The following ZNF561 variants were observed in gnomAD, a reference collection of about 807,000 sequenced individuals.
The protein encoded by ZNF561 is zinc finger protein 561.
Under a neutral mutation model 16.7 loss-of-function variants are expected in ZNF561, and 16 were observed. The observed-to-expected ratio is 0.96, with a 90% CI of 0.65 to 1.45. ZNF561 has a LOEUF of 1.45. ZNF561 is among the 40% of genes most tolerant of loss of function. ZNF561 has a pLI of 0.00. For synonymous variants in ZNF561, 190 were observed against 192.1 expected (o/e 0.99, Z 0.09); for missense variants, 580 against 578.0 (o/e 1.00, Z -0.04).
At chr19:9,618,800 A>T (rs1315132783) in intron 2 of ZNF561, among the ~76,000 whole-genome samples, 1 of 151,608 alleles carries the variant, frequency 6.6e-6, no homozygotes, top group Non-Finnish European at 1.5e-5. Flanking sequence ...TTCCTAAGGT[A>T]CACAAACCAG....
Position 9,610,524 on chromosome 19 carries a change from A to G in ZNF561, c.1137T>C (p.Ser379=). The G allele has an allele frequency of 6.2e-7, 1 of 1,613,980 alleles. No homozygotes were observed. The highest frequency in any genetic ancestry group is 2.2e-5 in the East Asian group (1 of 44,878). ...TGTGAATTCTTGTATGCTGAATAAG[A>G]CTTGTGGATGTAGTGAAGGCTTTCC... The part of the protein sequence containing the change: ...ECGKAFTTST[S]LIQHTRIHTG... Residue 379 remains serine, a synonymous_variant, in exon 6 of 6, where the codon AGT becomes AGC. Coordinates refer to ENST00000302851, the MANE Select transcript of ZNF561 (RefSeq NM_152289.3).
chr19:9,611,058 T>C lies in ZNF561; in HGVS notation c.603A>G (p.Glu201=), dbSNP rs770608164. Residue 201 remains glutamate (E), a synonymous_variant, in exon 6 of 6, where the codon GAA becomes GAG. Transcript: ENST00000302851. ...CAAAATACTTAAAGCCTTTTCCACATTCCTTACATTTGTAGGGTTGTCTTG... is the reference window on the plus strand; with the variant it reads ...CAAAATACTTAAAGCCTTTTCCACACTCCTTACATTTGTAGGGTTGTCTTG... ...LNARQPYKCK[E]CGKGFKYFAS... 3 of 1,614,178 alleles carry C rather than the reference T, an allele frequency of 1.9e-6. No homozygotes were observed. The highest frequency in any genetic ancestry group is 4.5e-5 in the East Asian group (2 of 44,874).
intron 3 of ZNF561, chr19:9,617,649 G>C (rs937525415): frequency 4.4e-6 from 2 of 456,946 alleles, no homozygotes; most frequent in South Asian, 1.5e-5. Flanking sequence ...TGGAATTACA[G>C]GCATGAGCCA....
chr19:9,611,107 G>C lies in ZNF561; in HGVS notation c.554C>G (p.Ala185Gly). 6.2e-7 allele frequency: 1 copy of C among 1,614,100 alleles called. No homozygotes were observed. Among genetic ancestry groups the C allele is most frequent in the South Asian group, 1.1e-5 (1 of 91,082 alleles). ...GKVFTLTPGL[A>G]VHLEVLNARQ... ...TGCATTGAGAACTTCAAGATGTACA[G>C]CAAGACCTGGAGTTAGAGTAAAGAC... Residue 185 changes from alanine (A) to glycine (G), a missense_variant, in exon 6 of 6, where the codon GCT (alanine) becomes GGT (glycine). Physicochemically the swap from Ala to Gly is moderately conservative, Grantham distance 60. Coordinates refer to ENST00000302851, the MANE Select transcript of ZNF561 (RefSeq NM_152289.3).
At position 9,610,768 on chromosome 19, in the gene ZNF561, T is replaced by A. The variant is rs1423790221; in HGVS notation, c.893A>T (p.Asp298Val). 5.0e-6 allele frequency: 8 copies of A among 1,614,082 alleles called. No homozygotes were observed. Among genetic ancestry groups the A allele is most frequent in the Non-Finnish European group, 6.8e-6 (8 of 1,180,038 alleles). The change falls in exon 6 of 6, where the codon GAT becomes GTT. Residue 298 changes from aspartate (D) to valine (V), a missense_variant. Transcript: ENST00000302851. ...RSFRNSSCLN[D>V]HIQIHTGIKP... ...TATTCCAGTGTGAATTTGAATGTGA[T>A]CATTAAGGCATGAGGAATTTCTAAA...
rs1862086995 is a variant in ZNF561 at position 9,611,159 on chromosome 19, G to C, written c.502C>G (p.Leu168Val). ...VHKEASTGQELSKFNPCGKVF... is the reference protein window; with the variant it reads ...VHKEASTGQEVSKFNPCGKVF... ...TTTCCACATGGATTAAATTTGGAAA[G>C]TTCCTGTCCAGTAGAGGCTTCCTTG... Residue 168 changes from leucine (L) to valine (V), a missense_variant, in exon 6 of 6, where the codon CTT becomes GTT. Coordinates refer to ENST00000302851, the MANE Select transcript of ZNF561 (RefSeq NM_152289.3). The C allele has an allele frequency of 6.2e-7, 1 of 1,613,890 alleles. No homozygotes were observed. Among genetic ancestry groups the C allele is most frequent in the African/African-American group, 1.3e-5 (1 of 74,934 alleles).
rs558801818 is a variant in ZNF561, at chr19:9,618,197, A to C, written c.26-18T>G. On this transcript the variant is annotated intron_variant, in intron 2 of 5. Coordinates refer to ENST00000302851, the MANE Select transcript of ZNF561 (RefSeq NM_152289.3). ...AAAAAACCCTAGTGGAAAAGTAAGA[A>C]GGCATGAGAAGCCAGAGCTGCCCAT... 2 of 1,546,104 alleles carry C rather than the reference A, an allele frequency of 1.3e-6. No individual in the cohort carries two copies. Among genetic ancestry groups the C allele is most frequent in the East Asian group, 4.9e-5 (2 of 40,826 alleles).
Position 9,611,218 on chromosome 19 carries a change from C to A in ZNF561, c.443G>T (p.Gly148Val), listed in dbSNP as rs2074450415. 9 of 1,613,930 alleles carry A rather than the reference C, an allele frequency of 5.6e-6. No individual in the cohort carries two copies. In the East Asian group the frequency reaches 1.3e-4, roughly 24 times the overall value. The change falls in exon 6 of 6, where the codon GGT (glycine) becomes GTT (valine). Residue 148 changes from glycine to valine, a missense_variant. Coordinates refer to ENST00000302851, the MANE Select transcript of ZNF561 (RefSeq NM_152289.3). ...RVQNGGNTSE[G>V]NCYGKDTLSV... ...GAGGGTGTCTTTTCCATAACAATTA[C>A]CCTCAGAAGTATTCCCTCCATTCTG... is the stretch of plus-strand genomic sequence containing the variant.
chr19:9,617,000 T>C (rs370407919), intron 4 of ZNF561, 45 bp downstream of exon 4: 1 of 1,574,220 alleles, frequency 6.4e-7, no homozygotes, highest in East Asian at 2.3e-5. Flanking sequence ...TATCTGGGAC[T>C]ACAGGTGCAG....
At position 9,617,838 on chromosome 19, in the gene ZNF561, G is replaced by A. The variant is rs920206520; in HGVS notation, c.114+253C>T. 5.5e-6 allele frequency: 3 copies of A among 541,870 alleles called. No individual in the cohort carries two copies. The African/African-American group carries it at 5.6e-5, about 10-fold the overall frequency. The allele number at this position is 541,870 out of a possible 1,614,324, so 33.6% of individuals were successfully genotyped here. On this transcript the variant is annotated intron_variant, in intron 3 of 5. Coordinates refer to ENST00000302851, the MANE Select transcript of ZNF561 (RefSeq NM_152289.3). ...ATCATCCGTCACCGCACCCAGCAATGTAAGAAAGATGCAGTTGGCACCATG... is the reference window on the plus strand; with the variant it reads ...ATCATCCGTCACCGCACCCAGCAATATAAGAAAGATGCAGTTGGCACCATG...
chr19:9,618,882 C>T (rs1267383882), intron 2 of ZNF561, among the ~76,000 whole-genome samples: 6 of 152,084 alleles, frequency 3.9e-5, no homozygotes, highest in Admixed American at 3.9e-4. Flanking sequence ...TTTGGGAGGC[C>T]AAGGCGGGCA....
intron 4 of ZNF561, among the ~76,000 whole-genome samples, chr19:9,616,090 T>C (rs1301054436): frequency 6.6e-6 from 1 of 152,176 alleles, no homozygotes; most frequent in Non-Finnish European, 1.5e-5. Flanking sequence ...GTATATTTCT[T>C]ACAGCACAAA....
chr19:9,618,191 G>T lies in ZNF561; in HGVS notation c.26-12C>A, dbSNP rs1390066607. 1 of 1,548,974 alleles carries T rather than the reference G, an allele frequency of 6.5e-7. No individual in the cohort carries two copies. Among genetic ancestry groups the T allele is most frequent in the East Asian group, 2.4e-5 (1 of 40,838 alleles). On this transcript the variant is annotated splice_polypyrimidine_tract_variant and intron_variant, in intron 2 of 5. Transcript: ENST00000302851. ...CCTGGAAAAAAACCCTAGTGGAAAA[G>T]TAAGAAGGCATGAGAAGCCAGAGCT...
chr19:9,613,115 T>G (rs1045773917), intron 5 of ZNF561, among the ~76,000 whole-genome samples: 1 of 151,762 alleles, frequency 6.6e-6, no homozygotes, highest in African/African-American at 2.4e-5. Flanking sequence ...TTCATGAAAC[T>G]GTGTAAATCC....
intron 2 of ZNF561, among the ~76,000 whole-genome samples, chr19:9,618,410 T>C (rs1356556583): frequency 6.6e-6 from 1 of 152,178 alleles, no homozygotes; most frequent in Non-Finnish European, 1.5e-5. Context: ...GTTTCATTTT[T>C]CAAGGAAACT....
intron 5 of ZNF561, among the ~76,000 whole-genome samples, chr19:9,612,419 C>T (rs1470869586): frequency 6.6e-6 from 1 of 152,048 alleles, no homozygotes; most frequent in Non-Finnish European, 1.5e-5. Flanking sequence ...GGGGTTTCCC[C>T]ATGTTCGCCA....
In ZNF561 at chr19:9,610,846, A is replaced by G. The variant is rs765689435; in HGVS notation, c.815T>C (p.Val272Ala). 394 of 1,614,030 alleles carry G rather than the reference A, an allele frequency of 2.4e-4. No individual in the cohort carries two copies. Among genetic ancestry groups the G allele is most frequent in the Non-Finnish European group, 3.3e-4 (388 of 1,180,034 alleles). Residue 272 changes from valine to alanine, a missense_variant, in exon 6 of 6, where the codon GTG (valine) becomes GCG (alanine). Physicochemically the swap from Val to Ala is moderately conservative, Grantham distance 64 (BLOSUM62 0). Transcript: ENST00000302851. The part of the protein sequence containing the change: ...FTNFSQLYAP[V>A]KTHKGEKSFE... ...GGACTTCTCTCCTTTATGAGTTTTC[A>G]CAGGTGCATAAAGTTGAGAAAAATT...
intron 4 of ZNF561, among the ~76,000 whole-genome samples, chr19:9,616,466 A>C (rs1311857726): frequency 6.6e-6 from 1 of 151,878 alleles, no homozygotes; most frequent in African/African-American, 2.4e-5. Flanking sequence ...TTTTTAGTAG[A>C]GATGGGGATT....
At position 9,619,373 on chromosome 19, in the gene ZNF561, G is replaced by A. The variant is rs914790360; in HGVS notation, c.25+59C>T. 11 of 1,588,962 alleles carry A rather than the reference G, an allele frequency of 6.9e-6. No individual in the cohort carries two copies. In the Admixed American group the frequency reaches 1.2e-4, roughly 17 times the overall value. ...CTCAGGCTCAGCTCACTGGACGCTT[G>A]TGTTGTGGAGGGTGACCTAAAGCAG... On this transcript the variant is annotated intron_variant, in intron 2 of 5. Transcript: ENST00000302851.
Sources: gnomAD v4.1 joint callset for allele counts (sites outside exome capture counted in the v4.1 genomes callset) on GRCh38, gnomAD v4.1.1 for gene constraint, MANE v1.5 for transcripts, NCBI Gene and HGNC (gene_info 2026-07-23, HGNC 2026-07-21) for gene names.